Variants in SBF2 observed in about 807,000 individuals in gnomAD.
SBF2 encodes the protein myotubularin-related protein 13.
SBF2 carries 112 observed loss-of-function variants against 225.2 expected under a neutral mutation model. That is an observed-to-expected ratio of 0.50 (90% confidence interval 0.43 to 0.58). The LOEUF (loss-of-function observed/expected upper bound fraction) is 0.58, where lower values mean the gene tolerates loss of function less well. Among genes scored for constraint, SBF2 ranks in the 20% least tolerant of loss-of-function variants. The pLI, the probability that SBF2 is intolerant of heterozygous loss-of-function variation, is 0.00. For synonymous variants in SBF2, 763 were observed against 773.3 expected, an observed-to-expected ratio of 0.99 and a Z score of 0.22; for missense variants, 1,996 against 2,206.2, an observed-to-expected ratio of 0.90 and a Z score of 1.91.
At chr11:10,069,512 G>T (rs1346145423) in intron 2 of SBF2, among the ~76,000 whole-genome samples, 2 of 152,120 alleles carry the variant, frequency 1.3e-5, no homozygotes, top group African/African-American at 4.8e-5. Context: ...TGGCTGCATA[G>T]TATTCTATGG....
At position 9,789,246 on chromosome 11, in the gene SBF2, G is replaced by A. The variant is rs926646414; in HGVS notation, c.4795C>T (p.Leu1599=). The A allele has an allele frequency of 1.2e-5, 20 of 1,614,168 alleles. No individual in the cohort carries two copies. Among genetic ancestry groups the A allele is most frequent in the South Asian group, 3.3e-5 (3 of 91,078 alleles). The change falls in exon 35 of 40, where the codon CTA becomes TTA. Residue 1599 remains leucine, a synonymous_variant. Coordinates refer to ENST00000256190, the MANE Select transcript of SBF2 (RefSeq NM_030962.4). ...STGPSYDWMM[L]TPKHFPSEDS... is the part of the protein sequence containing the mutation. The stretch of plus-strand genomic sequence containing the variant: ...TCGGAGGGGAAGTGCTTGGGGGTTA[G>A]CATCATCCAGTCATAGGAAGGGCCT...
rs1363110535 is a variant in SBF2, at chr11:10,216,211, G to A, written c.56-22224C>T. On this transcript the variant is annotated intron_variant, in intron 1 of 39. Coordinates refer to ENST00000256190, the MANE Select transcript of SBF2 (RefSeq NM_030962.4). ...CTTCTCCAGTAGGACTTAAGTCTAA[G>A]ACATAAAAGAAAAAAATAAAAATGA... Among the ~76,000 whole-genome samples the A allele has an allele frequency of 3.9e-5, 6 of 152,154 alleles. No individual in the cohort carries two copies. The East Asian group carries it at 1.2e-3, about 29-fold the overall frequency.
intron 1 of SBF2, among the ~76,000 whole-genome samples, chr11:10,252,101 C>T (rs12288833): frequency 0.022 from 3,296 of 152,334 alleles, 91 homozygotes; most frequent in African/African-American, 0.065. Context: ...TTCTGTTTGC[C>T]TCCTGTAAAC....
At chr11:10,077,044 C>T (rs529929641) in intron 2 of SBF2, among the ~76,000 whole-genome samples, 7 of 152,306 alleles carry the variant, frequency 4.6e-5, no homozygotes, top group African/African-American at 1.7e-4. Flanking sequence ...TCAGCTGGAT[C>T]TCGCATGCTA....
intron 16 of SBF2, among the ~76,000 whole-genome samples, chr11:9,916,998 C>T (rs7950655): frequency 0.52 from 78,256 of 151,230 alleles, 21,160 homozygotes; most frequent in African/African-American, 0.61. Flanking sequence ...ATGGATTATA[C>T]TTAGACATTT....
intron 1 of SBF2, among the ~76,000 whole-genome samples, chr11:10,288,433 C>T (rs1292296258): frequency 6.6e-6 from 1 of 152,134 alleles, no homozygotes; most frequent in Non-Finnish European, 1.5e-5. Context: ...AGGGTAGCTC[C>T]TTTATGCAGG....
chr11:9,905,020 T>C (rs1200485671), intron 16 of SBF2, among the ~76,000 whole-genome samples: 1 of 152,198 alleles, frequency 6.6e-6, no homozygotes, highest in Non-Finnish European at 1.5e-5. Context: ...CAAGACCCTG[T>C]CTCAAGAACA....
Position 10,170,311 on chromosome 11 carries a change from G to A in SBF2, c.141+23591C>T, listed in dbSNP as rs56833797. ...ATTTTGATGTGATTTTTTTTATGGC[G>A]AGAAAGAGGGGTCTAGTTTCTTTCC... On this transcript the variant is annotated intron_variant, in intron 2 of 39. Transcript: ENST00000256190. Among the ~76,000 whole-genome samples the A allele has an allele frequency of 6.7e-3, 1,016 of 152,022 alleles. 22 individuals carry two copies. In the East Asian group the frequency reaches 0.079, roughly 12 times the overall value.
intron 2 of SBF2, among the ~76,000 whole-genome samples, chr11:10,113,756 CAAATA>C (rs1952991834): frequency 6.9e-6 from 1 of 145,822 alleles, no homozygotes; most frequent in Non-Finnish European, 1.5e-5. Context: ...GGAAAATTCA[CAAATA>C]AAATGTATGA....
chr11:9,885,306 A>G (rs1187130310), intron 17 of SBF2, among the ~76,000 whole-genome samples: 3 of 149,542 alleles, frequency 2.0e-5, no homozygotes, highest in Non-Finnish European at 4.5e-5. Flanking sequence ...ACCCAGTGTA[A>G]TTACTTCCCA....
At chr11:9,839,751 C>G in intron 25 of SBF2, 55 bp from the exon 26 acceptor site, 1 of 1,510,476 alleles carries the variant, frequency 6.6e-7, no homozygotes, top group Non-Finnish European at 9.2e-7. Flanking sequence ...CAATTGAGGT[C>G]TTCAGGGTAG....
intron 2 of SBF2, among the ~76,000 whole-genome samples, chr11:10,088,314 C>T (rs2134900051): frequency 6.6e-6 from 1 of 152,292 alleles, no homozygotes; most frequent in East Asian, 1.9e-4. Flanking sequence ...CATGTGCCAC[C>T]ATGCCCAGCC....
intron 6 of SBF2, among the ~76,000 whole-genome samples, chr11:10,028,213 C>T (rs1476847402): frequency 6.6e-6 from 1 of 151,992 alleles, no homozygotes; most frequent in African/African-American, 2.4e-5. Context: ...CACACCCGTC[C>T]CATCCACTTT....
Position 9,842,699 on chromosome 11 carries a change from A to G in SBF2, c.3182T>C (p.Leu1061Pro). 6.2e-7 allele frequency: 1 copy of G among 1,614,120 alleles called. No homozygotes were observed. Among genetic ancestry groups the G allele is most frequent in the Non-Finnish European group, 8.5e-7 (1 of 1,179,986 alleles). The change falls in exon 25 of 40, where the codon CTG (leucine) becomes CCG (proline). Residue 1061 changes from leucine (L) to proline (P), a missense_variant. By Grantham distance (98) the Leu-to-Pro change is moderately conservative. Transcript: ENST00000256190. ...GKMTIGRQYL[L>P]KKKTGTIVEE... ...CACAATTGTCCCTGTCTTCTTCTTCAGTAAATATTGCCGCCCAATTGTCAT... is the reference window on the plus strand; with the variant it reads ...CACAATTGTCCCTGTCTTCTTCTTCGGTAAATATTGCCGCCCAATTGTCAT...
chr11:9,974,305 G>A (rs1212830124), intron 13 of SBF2, among the ~76,000 whole-genome samples: 1 of 152,154 alleles, frequency 6.6e-6, no homozygotes, highest in Non-Finnish European at 1.5e-5. Context: ...GCGATAAAGA[G>A]TAGGTGTCTT....
chr11:9,784,808 T>C, intron 37 of SBF2: 1 of 505,654 alleles, frequency 2.0e-6, no homozygotes, highest in Non-Finnish European at 3.6e-6. Flanking sequence ...TCAGCTAGCA[T>C]AAGCTGGATT....
Position 9,789,150 on chromosome 11 carries a change from CATCATCAT to C in SBF2, c.4883_4890del (p.Tyr1628CysfsTer7). 1 of 1,614,160 alleles carries C rather than the reference CATCATCAT, an allele frequency of 6.2e-7. No individual in the cohort carries two copies. ...AGAGCATCAGGCTGAGTACAGCTGACATCATCATAGCATGGCCACACTGTTCTCCTCTG... is the reference window on the plus strand; with the variant it reads ...AGAGCATCAGGCTGAGTACAGCTGACAGCATGGCCACACTGTTCTCCTCTG... On this transcript the variant is annotated frameshift_variant, in exon 35 of 40. Transcript: ENST00000256190. LOFTEE classifies it high-confidence loss of function.
chr11:9,860,259 C>CAGTTTTTTTTTTTTTTTTTTTTG (rs1857621037), intron 17 of SBF2, among the ~76,000 whole-genome samples: 1 of 122,196 alleles, frequency 8.2e-6, no homozygotes, highest in Admixed American at 9.4e-5. Context: ...TATTTTGAAA[C>CAGTTTTTTTTTTTTTTTTTTTTG]AGTTTTTTTT....
intron 2 of SBF2, among the ~76,000 whole-genome samples, chr11:10,159,005 C>T (rs1955596240): frequency 6.6e-6 from 1 of 151,466 alleles, no homozygotes; most frequent in Non-Finnish European, 1.5e-5. Context: ...ATAATAAAGT[C>T]TATATATGTC....
Sources: gnomAD v4.1 joint callset for allele counts (sites outside exome capture counted in the v4.1 genomes callset) on GRCh38, gnomAD v4.1.1 for gene constraint, MANE v1.5 for transcripts, NCBI Gene and HGNC (gene_info 2026-07-23, HGNC 2026-07-21) for gene names.